The following CASP6 variants were observed in gnomAD, a reference collection of about 807,000 sequenced individuals.
CASP6 encodes the protein caspase 6.
In CASP6, 20 loss-of-function variants were observed where a neutral mutation model predicts 31.8. That is an observed-to-expected ratio of 0.63 (90% CI 0.44 to 0.91). CASP6 has a LOEUF of 0.91. Among genes scored for constraint, CASP6 ranks in the 40% least tolerant of loss-of-function variants. The pLI, the probability that CASP6 is intolerant of heterozygous loss-of-function variation, is 0.00. For synonymous variants in CASP6, 130 were observed against 127.8 expected (o/e 1.02, Z -0.12); for missense variants, 328 against 361.1 (o/e 0.91, Z 0.74).
chr4:109,690,454 T>C (rs983855493), intron 6 of CASP6, among the ~76,000 whole-genome samples: 6 of 151,310 alleles, frequency 4.0e-5, no homozygotes, highest in Admixed American at 2.0e-4. Flanking sequence ...CCTGAGAAAT[T>C]GAGGCTGCAG....
upstream of CASP6, chr4:109,703,503 C>T: frequency 7.0e-7 from 1 of 1,419,162 alleles, no homozygotes; most frequent in East Asian, 2.5e-5. Context: ...CCCCCTGCCC[C>T]CGAGCGTGGG....
At chr4:109,690,251 C>A (rs767850576) in intron 6 of CASP6, among the ~76,000 whole-genome samples, 9 of 133,360 alleles carry the variant, frequency 6.7e-5, no homozygotes, top group African/African-American at 2.1e-4. Flanking sequence ...AAAAAAAACG[C>A]ACGCACGCAC....
chr4:109,667,414 G>A, the CASP6 span, among the ~76,000 whole-genome samples: 51 of 151,932 alleles, frequency 3.4e-4, no homozygotes, highest in Admixed American at 1.4e-3. Flanking sequence ...TAATGTCCAT[G>A]GGATCTGTAG....
chr4:109,701,435 C>CTT (rs577458377), intron 1 of CASP6, among the ~76,000 whole-genome samples: 1 of 146,110 alleles, frequency 6.8e-6, no homozygotes, highest in African/African-American at 2.5e-5. Context: ...CCTCTTTTCA[C>CTT]TTTTTTTTTT....
intron 2 of CASP6, 109 bp downstream of exon 2, chr4:109,698,182 AACTTGGCCT>A: frequency 9.3e-7 from 1 of 1,076,096 alleles, no homozygotes; most frequent in Non-Finnish European, 1.3e-6. Flanking sequence ...CAAAGGCTAA[AACTTGGCCT>A]ACTCAGTTTT....
chr4:109,679,750 G>T, the CASP6 span, among the ~76,000 whole-genome samples: 1 of 152,176 alleles, frequency 6.6e-6, no homozygotes, highest in Non-Finnish European at 1.5e-5. Context: ...TAGAAAGCTT[G>T]CAATTATGAA....
At chr4:109,680,153 GTC>G in the CASP6 span, among the ~76,000 whole-genome samples, 1 of 152,096 alleles carries the variant, frequency 6.6e-6, no homozygotes, top group African/African-American at 2.4e-5. Context: ...GGACTTGGGA[GTC>G]TCTCTTTGAA....
chr4:109,706,176 CACACATAT>C (rs547601881), upstream of CASP6, among the ~76,000 whole-genome samples: 3,638 of 96,212 alleles, frequency 0.038, 388 homozygotes, highest in African/African-American at 0.16. Context: ...TATATACACA[CACACATAT>C]ACACACACAC....
chr4:109,684,251 A>T (rs1251327268), downstream of CASP6, among the ~76,000 whole-genome samples: 1 of 151,564 alleles, frequency 6.6e-6, no homozygotes, highest in Non-Finnish European at 1.5e-5. Flanking sequence ...TTTAGTAGAG[A>T]CGGGGTTTCA....
chr4:109,666,357 T>A, the CASP6 span, among the ~76,000 whole-genome samples: 1 of 152,154 alleles, frequency 6.6e-6, no homozygotes, highest in African/African-American at 2.4e-5. Context: ...AGTGTTTAGT[T>A]TTGTGTAAAA....
chr4:109,691,081 A>G, intron 5 of CASP6, 72 bp from the exon 6 acceptor site: 1 of 1,490,022 alleles, frequency 6.7e-7, no homozygotes, highest in Non-Finnish European at 9.0e-7. Flanking sequence ...TGTGCAGTGA[A>G]TGTGTAAGCC....
chr4:109,696,589 G>T, intron 3 of CASP6, 103 bp from the exon 4 acceptor site: 1 of 690,080 alleles, frequency 1.4e-6, no homozygotes. Context: ...ACATAAATTT[G>T]CTTTCTTTAG....
chr4:109,678,429 C>G, the CASP6 span, among the ~76,000 whole-genome samples: 1 of 149,786 alleles, frequency 6.7e-6, no homozygotes, highest in Non-Finnish European at 1.5e-5. Context: ...TCCTCACTTC[C>G]CAGATGATGG....
the CASP6 span, among the ~76,000 whole-genome samples, chr4:109,675,695 G>A: frequency 3.9e-5 from 6 of 152,322 alleles, no homozygotes; most frequent in African/African-American, 1.4e-4. Context: ...CGTATTGGGA[G>A]GTGTTTGGCT....
At chr4:109,695,316 G>A (rs1040188934) in intron 4 of CASP6, among the ~76,000 whole-genome samples, 47 of 152,118 alleles carry the variant, frequency 3.1e-4, no homozygotes, top group African/African-American at 1.1e-3. Flanking sequence ...AAGGGATTAC[G>A]ATAGGGAATC....
At position 109,689,516 on chromosome 4, in the gene CASP6, C is replaced by T; in HGVS notation, c.696G>A (p.Leu232=). 7 of 1,614,148 alleles carry T rather than the reference C, an allele frequency of 4.3e-6. No homozygotes were observed. The highest frequency in any genetic ancestry group is 5.9e-6 in the Non-Finnish European group (7 of 1,180,030). Reference sequence around the variant, plus strand: ...AGCCATATTTTCCCAACATCTCACACAAATCTTGAATGTACCATGAGCCGT... The same window carrying T: ...AGCCATATTTTCCCAACATCTCACATAAATCTTGAATGTACCATGAGCCGT... ...TVNGSWYIQD[L]CEMLGKYGSS... The change falls in exon 7 of 7, where the codon TTG becomes TTA. Residue 232 remains leucine, a synonymous_variant. Transcript: ENST00000265164.
chr4:109,697,985 C>G (rs2126159901), intron 2 of CASP6, among the ~76,000 whole-genome samples: 1 of 152,278 alleles, frequency 6.6e-6, no homozygotes, highest in African/African-American at 2.4e-5. Flanking sequence ...CTGACACATC[C>G]CTAACCCTCT....
the CASP6 span, among the ~76,000 whole-genome samples, chr4:109,673,311 A>G: frequency 6.6e-6 from 1 of 152,200 alleles, no homozygotes; most frequent in Non-Finnish European, 1.5e-5. Flanking sequence ...CCATCCCTCA[A>G]ACCACCACAT....
chr4:109,694,432 G>T, intron 5 of CASP6, 93 bp downstream of exon 5: 1 of 1,191,232 alleles, frequency 8.4e-7, no homozygotes, highest in Non-Finnish European at 1.1e-6. Flanking sequence ...CCAATTACTG[G>T]AGAAAGTTAC....
Sources: gnomAD v4.1 joint callset for allele counts (sites outside exome capture counted in the v4.1 genomes callset) on GRCh38, gnomAD v4.1.1 for gene constraint, MANE v1.5 for transcripts, NCBI Gene and HGNC (gene_info 2026-07-23, HGNC 2026-07-21) for gene names.